OR4D1: variants seen among roughly 807,000 people sequenced by gnomAD.
The protein encoded by OR4D1 is olfactory receptor family 4 subfamily D member 1.
Under a neutral mutation model 14.2 loss-of-function variants are expected in OR4D1, and 10 were observed. The observed-to-expected ratio is 0.71, with a 90% CI of 0.44 to 1.20. The LOEUF (loss-of-function observed/expected upper bound fraction) is 1.20. Among genes scored for constraint, OR4D1 ranks in the 50% most tolerant of loss-of-function variants. The probability of loss-of-function intolerance (pLI) is 0.00; values close to 1 mark genes in which losing one functional copy is unlikely to be tolerated. For missense variants in OR4D1, 345 were observed against 376.6 expected (o/e 0.92, Z 0.70); for synonymous variants, 141 against 147.4 (o/e 0.96, Z 0.32).
chr17:58,156,262 T>C lies in OR4D1; in HGVS notation c.*176T>C. On this transcript the variant is annotated 3_prime_UTR_variant, in exon 4 of 4. Coordinates refer to ENST00000268912, the MANE Select transcript of OR4D1 (RefSeq NM_001386095.1). Reference sequence around the variant, plus strand: ...ACTTCCACGCTTTTTTTCTTTTTTTTTTTTTTTAGATGGAGCCTTGCTCTG... The same window carrying C: ...ACTTCCACGCTTTTTTTCTTTTTTTCTTTTTTTAGATGGAGCCTTGCTCTG... The C allele has an allele frequency of 5.2e-6, 3 of 578,004 alleles. No individual in the cohort carries two copies. Among genetic ancestry groups the C allele is most frequent in the African/African-American group, 1.9e-5 (1 of 53,098 alleles). 35.8% of individuals were successfully genotyped at this position (578,004 alleles called of 1,614,324 possible). A position where few individuals can be genotyped will look rare whatever the true frequency, so the allele number is the denominator to read the frequency against.
intron 2 of OR4D1, among the ~76,000 whole-genome samples, chr17:58,153,053 G>T (rs1286744571): frequency 3.9e-5 from 6 of 152,204 alleles, no homozygotes; most frequent in Admixed American, 3.3e-4. Context: ...GTTGGAGTTG[G>T]GGATGAAGGA....
rs1967732781 is a variant in OR4D1, at chr17:58,153,850, T to C, written c.-126-7T>C. Among the ~76,000 whole-genome samples, 1 of 152,206 alleles carries C rather than the reference T, an allele frequency of 6.6e-6. No homozygotes were observed. ...CCTTCATGCTCTAATTTTCTTTTTCTTTTTAGAGATAAGATCAGCTGGAGT... is the reference window on the plus strand; with the variant it reads ...CCTTCATGCTCTAATTTTCTTTTTCCTTTTAGAGATAAGATCAGCTGGAGT... On this transcript the variant is annotated splice_region_variant and splice_polypyrimidine_tract_variant and intron_variant, in intron 2 of 3. Coordinates refer to ENST00000268912, the MANE Select transcript of OR4D1 (RefSeq NM_001386095.1).
Position 58,148,465 on chromosome 17 carries a change from T to A in OR4D1, c.-614T>A, listed in dbSNP as rs543258519. On this transcript the variant is annotated 5_prime_UTR_variant, in exon 1 of 4. Coordinates refer to ENST00000268912, the MANE Select transcript of OR4D1 (RefSeq NM_001386095.1). ...AGAGAGGCCAGGAGAAGAATGGAGC[T>A]ACAGGAGAAGAGTGACCTGGGAGAT... is the stretch of plus-strand genomic sequence containing the variant. The A allele has an allele frequency of 6.6e-6, 1 of 152,532 alleles. No homozygotes were observed. Among genetic ancestry groups the A allele is most frequent in the East Asian group, 1.9e-4 (1 of 5,186 alleles). 9.4% of individuals were successfully genotyped at this position (152,532 alleles called of 1,614,324 possible).
chr17:58,157,040 T>G lies in OR4D1; in HGVS notation c.*954T>G. On this transcript the variant is annotated 3_prime_UTR_variant, in exon 4 of 4. Coordinates refer to ENST00000268912, the MANE Select transcript of OR4D1 (RefSeq NM_001386095.1). ...AGGCATGGCTTCTGTTTTCGTCCAA[T>G]GAGAAGGGGCCAGCGGTGGCGGTCG... 25 of 1,140,090 alleles carry G rather than the reference T, an allele frequency of 2.2e-5. No individual in the cohort carries two copies. The highest frequency in any genetic ancestry group is 2.6e-5 in the Non-Finnish European group (21 of 795,260). 70.6% of individuals were successfully genotyped at this position (1,140,090 alleles called of 1,614,324 possible).
At position 58,156,939 on chromosome 17, in the gene OR4D1, C is replaced by A. The variant is rs1490436173; in HGVS notation, c.*853C>A. The A allele has an allele frequency of 1.5e-6, 1 of 654,080 alleles. No homozygotes were observed. Among genetic ancestry groups the A allele is most frequent in the Non-Finnish European group, 2.8e-6 (1 of 359,356 alleles). The allele number at this position is 654,080 out of a possible 1,614,324, so 40.5% of individuals were successfully genotyped here. ...AGAAAGTTATCTCGCCCTCCCTCCTCCCCCACAAAAAAAGTTTGAGTCGCC... is the reference window on the plus strand; with the variant it reads ...AGAAAGTTATCTCGCCCTCCCTCCTACCCCACAAAAAAAGTTTGAGTCGCC... On this transcript the variant is annotated 3_prime_UTR_variant, in exon 4 of 4. Coordinates refer to ENST00000268912, the MANE Select transcript of OR4D1 (RefSeq NM_001386095.1).
At chr17:58,150,069 G>T (rs1200479574) in intron 2 of OR4D1, among the ~76,000 whole-genome samples, 1 of 152,128 alleles carries the variant, frequency 6.6e-6, no homozygotes, top group Non-Finnish European at 1.5e-5. Flanking sequence ...TGTTTACTAC[G>T]ATGACAATTA....
Position 58,154,369 on chromosome 17 carries a change from G to A in OR4D1, c.-20+406G>A, listed in dbSNP as rs537510700. ...TCTCCCAAAGATTGTCGAGGGATAT[G>A]TGTATAATAGAAAATTCGCATAAAT... On this transcript the variant is annotated intron_variant, in intron 3 of 3. Transcript: ENST00000268912. 4.0e-4 allele frequency among the ~76,000 whole-genome samples: 60 copies of A among 150,702 alleles called. 1 individual carries two copies. In the South Asian group the frequency reaches 0.012, roughly 31 times the overall value.
At position 58,157,017 on chromosome 17, in the gene OR4D1, G is replaced by A. The variant is rs998343371; in HGVS notation, c.*931G>A. 4 of 920,554 alleles carry A rather than the reference G, an allele frequency of 4.3e-6. No individual in the cohort carries two copies. The highest frequency in any genetic ancestry group is 1.6e-5 in the African/African-American group (1 of 61,164). The allele number at this position is 920,554 out of a possible 1,614,324, so 57.0% of individuals were successfully genotyped here. ...TCGGGAGCTACGTAGGGCAGGGAAG[G>A]CATGGCTTCTGTTTTCGTCCAATGA... On this transcript the variant is annotated 3_prime_UTR_variant, in exon 4 of 4. Transcript: ENST00000268912.
intron 1 of OR4D1, among the ~76,000 whole-genome samples, chr17:58,148,987 T>C (rs1567778360): frequency 6.6e-6 from 1 of 152,202 alleles, no homozygotes; most frequent in Non-Finnish European, 1.5e-5. Context: ...TTCTTAAATC[T>C]TGTGTTTAAC....
intron 2 of OR4D1, among the ~76,000 whole-genome samples, chr17:58,153,376 T>C (rs1005112172): frequency 6.6e-6 from 1 of 152,116 alleles, no homozygotes; most frequent in African/African-American, 2.4e-5. Flanking sequence ...AGGCTGGGAG[T>C]TGGTGAAGCC....
rs1967790221 is a variant in OR4D1, at chr17:58,157,376, C to T, written c.*1290C>T. 4.5e-6 allele frequency: 6 copies of T among 1,324,244 alleles called. No individual in the cohort carries two copies. Among genetic ancestry groups the T allele is most frequent in the Admixed American group, 4.1e-5 (2 of 48,966 alleles). The allele number at this position is 1,324,244 out of a possible 1,614,324, so 82.0% of individuals were successfully genotyped here. On this transcript the variant is annotated 3_prime_UTR_variant, in exon 4 of 4. Transcript: ENST00000268912. ...GAACCCTGCTGATAATTCGCCGCCG[C>T]CAAGACACGTGAGCCCTACCACCTG...
rs941489421 is a variant in OR4D1 at position 58,156,879 on chromosome 17, C to T, written c.*793C>T. The T allele has an allele frequency of 5.7e-6, 3 of 524,074 alleles. No homozygotes were observed. The highest frequency in any genetic ancestry group is 1.1e-5 in the Non-Finnish European group (3 of 285,600). 32.5% of individuals were successfully genotyped at this position (524,074 alleles called of 1,614,324 possible). On this transcript the variant is annotated 3_prime_UTR_variant, in exon 4 of 4. Transcript: ENST00000268912. ...GGGACAGTTACATTCTTTTCTGCTCCCCACCTCCCTGCCTCATTCCCCACT... is the reference window on the plus strand; with the variant it reads ...GGGACAGTTACATTCTTTTCTGCTCTCCACCTCCCTGCCTCATTCCCCACT...
In OR4D1 at chr17:58,157,975, C is replaced by A; in HGVS notation, c.*1889C>A. ...ACACAGCTGAAGTTTGTTCTTTAGGCGGAGGCACCAAGCCTTGTTTTCTTG... is the reference window on the plus strand; with the variant it reads ...ACACAGCTGAAGTTTGTTCTTTAGGAGGAGGCACCAAGCCTTGTTTTCTTG... On this transcript the variant is annotated 3_prime_UTR_variant, in exon 4 of 4. Transcript: ENST00000268912. 3.6e-6 allele frequency: 2 copies of A among 548,380 alleles called. No homozygotes were observed. Among genetic ancestry groups the A allele is most frequent in the South Asian group, 2.7e-5 (1 of 37,262 alleles). The allele number at this position is 548,380 out of a possible 1,614,324, so 34.0% of individuals were successfully genotyped here.
intron 1 of OR4D1, 29 bp from the exon 2 acceptor site, chr17:58,149,400 T>C (rs1967670105): frequency 6.6e-6 from 1 of 152,272 alleles, no homozygotes; most frequent in Admixed American, 6.5e-5. Flanking sequence ...CTGCATTCTA[T>C]CCAGTGGCTA....
In OR4D1 at chr17:58,155,485, C is replaced by G; in HGVS notation, c.332C>G (p.Thr111Ser). The G allele has an allele frequency of 6.2e-7, 1 of 1,614,160 alleles. No homozygotes were observed. ...TTCTTCCACCTTTTGGGAGGTGGGA[C>G]TGTCTTTTTTCTCTCAGTCATGGCC... Reference protein sequence around the residue: ...IFFFHLLGGGTVFFLSVMAYD... With the variant: ...IFFFHLLGGGSVFFLSVMAYD... Residue 111 changes from threonine to serine, a missense_variant, in exon 4 of 4, where the codon ACT becomes AGT. Physicochemically the swap from Thr to Ser is moderately conservative, Grantham distance 58 (BLOSUM62 1). Coordinates refer to ENST00000268912, the MANE Select transcript of OR4D1 (RefSeq NM_001386095.1).
rs940054890 is a variant in OR4D1, at chr17:58,148,508, C to G, written c.-571C>G. 4 of 152,364 alleles carry G rather than the reference C, an allele frequency of 2.6e-5. No homozygotes were observed. The highest frequency in any genetic ancestry group is 1.3e-4 in the Admixed American group (2 of 15,268). 9.4% of individuals were successfully genotyped at this position (152,364 alleles called of 1,614,324 possible). A position where few individuals can be genotyped will look rare whatever the true frequency, so the allele number is the denominator to read the frequency against. On this transcript the variant is annotated 5_prime_UTR_variant, in exon 1 of 4. Transcript: ENST00000268912. ...TGGGAGATGGGAGGCTCTAAGTCCT[C>G]TTGGCCACTGTGGGCTGGAGGAAGG... is the stretch of plus-strand genomic sequence containing the variant.
At position 58,157,823 on chromosome 17, in the gene OR4D1, A is replaced by G; in HGVS notation, c.*1737A>G. On this transcript the variant is annotated 3_prime_UTR_variant, in exon 4 of 4. Coordinates refer to ENST00000268912, the MANE Select transcript of OR4D1 (RefSeq NM_001386095.1). ...GTCCTAAGGAAGACCAGATCAATAG[A>G]CTCCATGATGGATGTTTGTTTCAAA... 6.3e-7 allele frequency: 1 copy of G among 1,593,870 alleles called. No homozygotes were observed. The highest frequency in any genetic ancestry group is 1.1e-5 in the South Asian group (1 of 90,812).
chr17:58,151,002 TAAAA>T (rs1173261176), intron 2 of OR4D1, among the ~76,000 whole-genome samples: 36 of 152,036 alleles, frequency 2.4e-4, no homozygotes, highest in Admixed American at 2.4e-3. Flanking sequence ...TTACAAGAAA[TAAAA>T]AAAATTTTGT....
Position 58,155,439 on chromosome 17 carries a change from G to T in OR4D1, c.286G>T (p.Gly96Cys), listed in dbSNP as rs759337378. Residue 96 changes from glycine to cysteine, a missense_variant, in exon 4 of 4, where the codon GGC (glycine) becomes TGC (cysteine). Physicochemically the swap from Gly to Cys is radical, Grantham distance 159 (BLOSUM62 -3). Transcript: ENST00000268912. The stretch of plus-strand genomic sequence containing the variant: ...TGAGACCAAGACGATCTCCTACCAG[G>T]GCTGCATGGCCCAGATCTTCTTCTT... ...LHETKTISYQ[G>C]CMAQIFFFHL... 1.2e-6 allele frequency: 2 copies of T among 1,614,124 alleles called. No homozygotes were observed. Among genetic ancestry groups the T allele is most frequent in the South Asian group, 2.2e-5 (2 of 91,082 alleles).
Sources: allele counts gnomAD v4.1 joint callset (sites outside exome capture counted in the v4.1 genomes callset), GRCh38; gene constraint gnomAD v4.1.1; transcripts MANE v1.5; gene names NCBI Gene and HGNC (gene_info 2026-07-23, HGNC 2026-07-21).